The following FCRL4 variants were observed in gnomAD, a reference collection of about 807,000 sequenced individuals.
The protein encoded by FCRL4 is Fc receptor-like protein 4.
A neutral mutation model predicts 64.1 loss-of-function variants in FCRL4; 43 were observed. The observed-to-expected ratio is 0.67, with a 90% CI of 0.53 to 0.87. FCRL4 has a LOEUF of 0.87. Ranked by LOEUF, FCRL4 falls within the 40% of genes least tolerant of loss-of-function variation. FCRL4 has a pLI of 0.00. For missense variants in FCRL4, 656 were observed against 613.5 expected (o/e 1.07, Z -0.73); for synonymous variants, 253 against 239.8 (o/e 1.05, Z -0.51).
At chr1:157,593,595 G>T (rs1230665072) in intron 2 of FCRL4, among the ~76,000 whole-genome samples, 2 of 152,114 alleles carry the variant, frequency 1.3e-5, no homozygotes, top group African/African-American at 4.8e-5. Context: ...CTGTATGAGG[G>T]GGTGGAATTC....
At chr1:157,579,680 G>T (rs1400387098) in intron 8 of FCRL4, among the ~76,000 whole-genome samples, 3 of 151,734 alleles carry the variant, frequency 2.0e-5, no homozygotes, top group Admixed American at 6.6e-5. Context: ...TCGTGCCACT[G>T]CACTCCAGCC....
At chr1:157,597,802 G>T in intron 1 of FCRL4, 112 bp downstream of exon 1, 7 of 711,170 alleles carry the variant, frequency 9.8e-6, no homozygotes, top group Admixed American at 7.9e-5. Flanking sequence ...TTCATTTTCT[G>T]CTGTTCTAAA....
intron 1 of FCRL4, among the ~76,000 whole-genome samples, chr1:157,596,715 C>T (rs1235371574): frequency 6.6e-6 from 1 of 152,118 alleles, no homozygotes; most frequent in African/African-American, 2.4e-5. Flanking sequence ...CTGCTGATTC[C>T]TCTTCTCTTG....
intron 6 of FCRL4, among the ~76,000 whole-genome samples, chr1:157,584,501 A>G (rs1652630688): frequency 6.6e-6 from 1 of 151,470 alleles, no homozygotes; most frequent in South Asian, 2.1e-4. Context: ...ACGCCACTGA[A>G]CTCCACTCTG....
At chr1:157,584,336 C>G (rs980780302) in intron 6 of FCRL4, among the ~76,000 whole-genome samples, 6 of 151,892 alleles carry the variant, frequency 4.0e-5, no homozygotes, top group African/African-American at 1.5e-4. Context: ...CAAGACCAGA[C>G]TGGGCAACGT....
At chr1:157,589,076 T>C (rs1652773950) in intron 3 of FCRL4, 128 bp downstream of exon 3, 23 of 1,053,806 alleles carry the variant, frequency 2.2e-5, no homozygotes, top group Non-Finnish European at 3.2e-5. Context: ...GGAGGGAAAA[T>C]ATGAAACTAA....
Position 157,578,764 on chromosome 1 carries a change from C to T in FCRL4, c.1360+6G>A, listed in dbSNP as rs373415714. The stretch of plus-strand genomic sequence containing the variant: ...CAGGAACAGCTTCCTAGAAGGGAAT[C>T]CTCACCATCAACATACAACGACTGA... On this transcript the variant is annotated splice_donor_region_variant and intron_variant, in intron 9 of 11. Transcript: ENST00000271532. The T allele has an allele frequency of 3.7e-6, 6 of 1,613,534 alleles. No homozygotes were observed. Among genetic ancestry groups the T allele is most frequent in the Non-Finnish European group, 4.2e-6 (5 of 1,179,536 alleles).
At chr1:157,580,901 C>T (rs192233365) in intron 7 of FCRL4, among the ~76,000 whole-genome samples, 1 of 152,356 alleles carries the variant, frequency 6.6e-6, no homozygotes, top group Admixed American at 6.5e-5. Flanking sequence ...GGTTTCTTGG[C>T]ATCTAAAGCC....
chr1:157,596,500 G>A, intron 1 of FCRL4, 152 bp from the exon 2 acceptor site: 1 of 799,382 alleles, frequency 1.3e-6, no homozygotes, highest in East Asian at 2.8e-5. Flanking sequence ...AAACACAGTG[G>A]CCAGACGCTC....
chr1:157,589,477 T>C lies in FCRL4; in HGVS notation c.53-19A>G, dbSNP rs1240010716. On this transcript the variant is annotated intron_variant, in intron 2 of 11. Transcript: ENST00000271532. ...GCAGCTGCTGAGGAGGAAAGAGTAA[T>C]AGGTCTGAGGTGGAGGTGCCTGCAG... 1 of 1,612,306 alleles carries C rather than the reference T, an allele frequency of 6.2e-7. No individual in the cohort carries two copies. Among genetic ancestry groups the C allele is most frequent in the African/African-American group, 1.3e-5 (1 of 75,020 alleles).
At chr1:157,583,133 A>G (rs1241053667) in intron 6 of FCRL4, among the ~76,000 whole-genome samples, 2 of 152,228 alleles carry the variant, frequency 1.3e-5, no homozygotes, top group African/African-American at 4.8e-5. Context: ...AGGGAAAATT[A>G]TTTAATCTCC....
In FCRL4 at chr1:157,578,770, C is replaced by A; in HGVS notation, c.1360G>T (p.Val454Leu). ...CAGCTTCCTAGAAGGGAATCCTCAC[C>A]ATCAACATACAACGACTGAAGCTCC... ...QVELQSLYVDVHPKKGDLVYS... is the reference protein window; with the variant it reads ...QVELQSLYVDLHPKKGDLVYS... Residue 454 changes from valine to leucine, a missense_variant and splice_region_variant, in exon 9 of 12, where the codon GTA becomes TTA. Physicochemically the swap from Val to Leu is conservative, Grantham distance 32. Coordinates refer to ENST00000271532, the MANE Select transcript of FCRL4 (RefSeq NM_031282.3). 6.2e-7 allele frequency: 1 copy of A among 1,613,740 alleles called. No homozygotes were observed. The highest frequency in any genetic ancestry group is 8.5e-7 in the Non-Finnish European group (1 of 1,179,742).
chr1:157,575,857 C>T (rs528015393), intron 10 of FCRL4, 127 bp from the exon 11 acceptor site: 80 of 827,746 alleles, frequency 9.7e-5, no homozygotes, highest in Middle Eastern at 3.5e-4. Flanking sequence ...CACCTCATCC[C>T]CTAACATGTC....
In FCRL4 at chr1:157,578,507, T is replaced by A. The variant is rs767299324; in HGVS notation, c.1396A>T (p.Ile466Phe). 3.7e-6 allele frequency: 6 copies of A among 1,613,904 alleles called. No individual in the cohort carries two copies. The highest frequency in any genetic ancestry group is 1.7e-5 in the Admixed American group (1 of 60,006). ...TCTTCTCCCAGCTGAGTAGTCTGGA[T>A]CTCAGAGTATACCAAATCTCCCTTT... ...PKKGDLVYSE[I>F]QTTQLGEEEE... The change falls in exon 10 of 12, where the codon ATC (isoleucine) becomes TTC (phenylalanine). Residue 466 changes from isoleucine to phenylalanine, a missense_variant. Physicochemically the swap from Ile to Phe is conservative, Grantham distance 21. Transcript: ENST00000271532.
At chr1:157,595,130 C>T (rs942654587) in intron 2 of FCRL4, among the ~76,000 whole-genome samples, 9 of 152,132 alleles carry the variant, frequency 5.9e-5, no homozygotes, top group Admixed American at 3.3e-4. Context: ...GAGCTCCTGA[C>T]GTCAAGTGAT....
At chr1:157,580,294 A>C (rs200401653) in intron 8 of FCRL4, 27 bp downstream of exon 8, 566 of 1,613,816 alleles carry the variant, frequency 3.5e-4, no homozygotes, top group Admixed American at 6.7e-4. Flanking sequence ...GGAAACTAAA[A>C]AGGAATGGCA....
At chr1:157,585,045 CA>C (rs1444708277) in intron 6 of FCRL4, among the ~76,000 whole-genome samples, 51 of 152,164 alleles carry the variant, frequency 3.4e-4, no homozygotes, top group African/African-American at 1.1e-3. Context: ...AACAGTTTTC[CA>C]CTGGCCTTAG....
At chr1:157,576,610 A>G (rs987656984) in intron 10 of FCRL4, among the ~76,000 whole-genome samples, 2 of 152,240 alleles carry the variant, frequency 1.3e-5, no homozygotes, top group Non-Finnish European at 2.9e-5. Flanking sequence ...TGGTGTTTTG[A>G]TAAATATGTC....
At chr1:157,585,424 T>G (rs1315077118) in intron 6 of FCRL4, among the ~76,000 whole-genome samples, 1 of 147,586 alleles carries the variant, frequency 6.8e-6, no homozygotes, top group African/African-American at 2.5e-5. Context: ...CTTTCTTTCC[T>G]TTTTCAGAGA....
Sources: allele counts gnomAD v4.1 joint callset (sites outside exome capture counted in the v4.1 genomes callset), GRCh38; gene constraint gnomAD v4.1.1; transcripts MANE v1.5; gene names NCBI Gene and HGNC (gene_info 2026-07-23, HGNC 2026-07-21).